Variants in ADCY1 observed in about 807,000 individuals in gnomAD.
The protein encoded by ADCY1 is adenylate cyclase type 1.
ADCY1 carries 28 observed loss-of-function variants against 105.4 expected under a neutral mutation model. The ratio of observed to expected loss-of-function variants is 0.27; its 90% CI spans 0.20 to 0.36. ADCY1 has a LOEUF of 0.36. Among genes scored for constraint, ADCY1 ranks in the 10% least tolerant of loss-of-function variants. ADCY1 has a pLI of 1.00. For synonymous variants in ADCY1, 655 were observed against 623.8 expected, an observed-to-expected ratio of 1.05 and a Z score of -0.75; for missense variants, 977 against 1,434.2, an observed-to-expected ratio of 0.68 and a Z score of 5.15.
intron 8 of ADCY1, among the ~76,000 whole-genome samples, chr7:45,667,551 G>A (rs1784285457): frequency 6.6e-6 from 1 of 152,222 alleles, no homozygotes; most frequent in Non-Finnish European, 1.5e-5. Context: ...ATAGTTTGAA[G>A]TCAGGTGGCA....
chr7:45,714,459 A>G lies in ADCY1; in HGVS notation c.*464A>G, dbSNP rs1036403848. On this transcript the variant is annotated 3_prime_UTR_variant, in exon 20 of 20. Transcript: ENST00000297323. ...GTCCGCCCCGCCCAGGTGGGACCTG[A>G]CATACAGGCGGCTCCAGCCCTGGGC... 6.0e-6 allele frequency: 1 copy of G among 166,618 alleles called. No homozygotes were observed. The highest frequency in any genetic ancestry group is 2.4e-5 in the African/African-American group (1 of 41,950). 10.3% of individuals were successfully genotyped at this position (166,618 alleles called of 1,614,324 possible).
Position 45,703,732 on chromosome 7 carries a change from G to A in ADCY1, c.2704G>A (p.Ala902Thr). The A allele has an allele frequency of 3.2e-6, 5 of 1,584,822 alleles. No homozygotes were observed. Among genetic ancestry groups the A allele is most frequent in the Non-Finnish European group, 4.3e-6 (5 of 1,163,852 alleles). ...TCTGCGGCTTCTCAACGAGATCATC[G>A]CCGACTTTGACGAGGTGAGGCTGTG... ...ECLRLLNEIIADFDELMEKDF... is the reference protein window; with the variant it reads ...ECLRLLNEIITDFDELMEKDF... Residue 902 changes from alanine (A) to threonine (T), a missense_variant, in exon 16 of 20, where the codon GCC (alanine) becomes ACC (threonine). Physicochemically the swap from Ala to Thr is moderately conservative, Grantham distance 58. This residue lies in a region of ADCY1 where 152 missense variants were observed against 293.7 expected (regional missense o/e 0.52). Coordinates refer to ENST00000297323, the MANE Select transcript of ADCY1 (RefSeq NM_021116.4). The surrounding 1 kb of genome is among the most constrained non-coding windows in gnomAD (Gnocchi z 5.9).
intron 2 of ADCY1, among the ~76,000 whole-genome samples, chr7:45,605,863 T>G (rs2115839974): frequency 6.6e-6 from 1 of 152,340 alleles, no homozygotes; most frequent in Non-Finnish European, 1.5e-5. Context: ...CTTGTTCTAG[T>G]TCTTGGTATG....
rs940321009 is a variant in ADCY1 at position 45,574,522 on chromosome 7, G to C, written c.-22G>C. On this transcript the variant is annotated 5_prime_UTR_variant, in exon 1 of 20. Transcript: ENST00000297323. The surrounding 1 kb of genome is among the most constrained non-coding windows in gnomAD (Gnocchi z 7.0). ...GCCGGCGAGGGGCGCGCCCGCGGCCGCGGCCGCTGCATGGCGCTGAGATGG... is the reference window on the plus strand; with the variant it reads ...GCCGGCGAGGGGCGCGCCCGCGGCCCCGGCCGCTGCATGGCGCTGAGATGG... The C allele has an allele frequency of 6.2e-6, 6 of 975,062 alleles. No homozygotes were observed. Among genetic ancestry groups the C allele is most frequent in the Non-Finnish European group, 7.3e-6 (6 of 825,814 alleles). The allele number at this position is 975,062 out of a possible 1,614,324, so 60.4% of individuals were successfully genotyped here.
chr7:45,599,874 T>C (rs7792861), intron 2 of ADCY1, among the ~76,000 whole-genome samples: 64,617 of 152,040 alleles, frequency 0.42, 14,215 homozygotes, highest in East Asian at 0.68. Flanking sequence ...GATCTGCCCA[T>C]CTCAGCCTCC....
chr7:45,626,188 C>A (rs1794057771), intron 4 of ADCY1, among the ~76,000 whole-genome samples: 1 of 152,224 alleles, frequency 6.6e-6, no homozygotes, highest in Admixed American at 6.5e-5. Flanking sequence ...GAAGCAGCCA[C>A]AAATACGTAA....
At chr7:45,593,972 T>C (rs1422343035) in intron 2 of ADCY1, among the ~76,000 whole-genome samples, 1 of 152,226 alleles carries the variant, frequency 6.6e-6, no homozygotes, top group Admixed American at 6.5e-5. Context: ...TATATGTACA[T>C]GTGCATCCCT....
At chr7:45,628,766 C>T (rs1210392307) in intron 4 of ADCY1, among the ~76,000 whole-genome samples, 1 of 152,190 alleles carries the variant, frequency 6.6e-6, no homozygotes, top group African/African-American at 2.4e-5. Flanking sequence ...CACGTGTGGC[C>T]TAACTAGTGC....
At chr7:45,580,320 G>A (rs1792493294) in intron 1 of ADCY1, among the ~76,000 whole-genome samples, 1 of 152,196 alleles carries the variant, frequency 6.6e-6, no homozygotes, top group Non-Finnish European at 1.5e-5. Flanking sequence ...GTGGGCTGAG[G>A]GGCCGGGGGG....
In ADCY1 at chr7:45,678,150, CTT is replaced by C; in HGVS notation, c.1801-15_1801-14del. 6.2e-7 allele frequency: 1 copy of C among 1,614,132 alleles called. No individual in the cohort carries two copies. Among genetic ancestry groups the C allele is most frequent in the Non-Finnish European group, 8.5e-7 (1 of 1,179,952 alleles). On this transcript the variant is annotated splice_polypyrimidine_tract_variant and intron_variant, in intron 9 of 19. Coordinates refer to ENST00000297323, the MANE Select transcript of ADCY1 (RefSeq NM_021116.4). Reference sequence around the variant, plus strand: ...GAAGCCCTCAGCCCTGATGGATTGACTTCTCTCTTACACAGTACCACCAGCTT... The same window carrying C: ...GAAGCCCTCAGCCCTGATGGATTGACCTCTCTTACACAGTACCACCAGCTT...
chr7:45,592,964 G>C lies in ADCY1; in HGVS notation c.789+56G>C. On this transcript the variant is annotated intron_variant, in intron 2 of 19. Coordinates refer to ENST00000297323, the MANE Select transcript of ADCY1 (RefSeq NM_021116.4). ...GGTTGGCTGTGGGGCTGGGGAGGTG[G>C]AAGAAGCTGGCTTCCTGAGCCTCAG... The C allele has an allele frequency of 5.0e-6, 8 of 1,598,620 alleles. 1 individual carries two copies. The South Asian group carries it at 8.9e-5, about 18-fold the overall frequency.
At chr7:45,657,106 G>T (rs1443982642) in intron 5 of ADCY1, among the ~76,000 whole-genome samples, 1 of 152,136 alleles carries the variant, frequency 6.6e-6, no homozygotes, top group East Asian at 1.9e-4. Context: ...ATACTCTGTT[G>T]TCCCCACCCC....
chr7:45,678,132 T>C, intron 9 of ADCY1, 34 bp from the exon 10 acceptor site: 1 of 1,613,570 alleles, frequency 6.2e-7, no homozygotes, highest in Non-Finnish European at 8.5e-7. Flanking sequence ...GAGGAAGCCC[T>C]CAGCCCTGAT....
intron 4 of ADCY1, among the ~76,000 whole-genome samples, chr7:45,627,957 G>A (rs981984252): frequency 5.9e-5 from 9 of 152,126 alleles, no homozygotes; most frequent in Non-Finnish European, 1.0e-4. Flanking sequence ...CAAGACCCCC[G>A]GCGCCCACTT....
In ADCY1 at chr7:45,686,046, C is replaced by T; in HGVS notation, c.2158C>T (p.Pro720Ser). 6.2e-7 allele frequency: 1 copy of T among 1,612,084 alleles called. No individual in the cohort carries two copies. The highest frequency in any genetic ancestry group is 8.5e-7 in the Non-Finnish European group (1 of 1,179,340). ...GTCTGGGGGCCAGCGCACAGCCCTG[C>T]CCACCCTGCCCTGCGAGTCTACACA... The part of the protein sequence containing the change: ...LSSGGQRTAL[P>S]TLPCESTHHA... The change falls in exon 13 of 20, where the codon CCC (proline) becomes TCC (serine). Residue 720 changes from proline (P) to serine (S), a missense_variant. Around this residue, in one of 7 missense-constraint regions of ADCY1, gnomAD observed 275 missense variants for 362.1 expected, o/e 0.76. Transcript: ENST00000297323. The surrounding 1 kb of genome is among the most constrained non-coding windows in gnomAD (Gnocchi z 4.3).
At position 45,722,700 on chromosome 7, in the gene ADCY1, A is replaced by G. The variant is rs1291168963; in HGVS notation, c.*8705A>G. On this transcript the variant is annotated 3_prime_UTR_variant, in exon 20 of 20. Coordinates refer to ENST00000297323, the MANE Select transcript of ADCY1 (RefSeq NM_021116.4). ...CGCCTGCGTTCTTCTGGGTTTGGCT[A>G]GATAGGGTTGTGTCCCTCTATGGAA... 1 of 152,526 alleles carries G rather than the reference A, an allele frequency of 6.6e-6. No homozygotes were observed. The highest frequency in any genetic ancestry group is 1.5e-5 in the Non-Finnish European group (1 of 68,032). The allele number at this position is 152,526 out of a possible 1,614,324, so 9.4% of individuals were successfully genotyped here. A position where few individuals can be genotyped will look rare whatever the true frequency, so the allele number is the denominator to read the frequency against.
At chr7:45,681,565 A>G (rs1299741981) in intron 11 of ADCY1, among the ~76,000 whole-genome samples, 2 of 152,158 alleles carry the variant, frequency 1.3e-5, no homozygotes, top group Non-Finnish European at 2.9e-5. Flanking sequence ...AGTGGAGACT[A>G]AGTGCCCAGA....
intron 14 of ADCY1, among the ~76,000 whole-genome samples, chr7:45,696,918 GTGT>G (rs1435277742): frequency 6.6e-6 from 1 of 152,186 alleles, no homozygotes. Flanking sequence ...CCCTGGGCAG[GTGT>G]TGTTTGCTCC....
chr7:45,620,269 A>G (rs770420344), intron 3 of ADCY1, among the ~76,000 whole-genome samples: 11 of 152,218 alleles, frequency 7.2e-5, no homozygotes, highest in African/African-American at 1.2e-4. Context: ...TTACCAGTCA[A>G]TGGCCATGAA....
Sources: allele counts gnomAD v4.1 joint callset (sites outside exome capture counted in the v4.1 genomes callset), GRCh38; gene constraint gnomAD v4.1.1; regional missense constraint gnomAD v4.1.1; non-coding constraint Gnocchi (gnomAD v3.1); transcripts MANE v1.5; gene names NCBI Gene and HGNC (gene_info 2026-07-23, HGNC 2026-07-21).